The following CDK12 variants were observed in gnomAD, a reference collection of about 807,000 sequenced individuals.
CDK12 encodes the protein cyclin-dependent kinase 12.
In CDK12, 17 loss-of-function variants were observed where a neutral mutation model predicts 133.8. The ratio of observed to expected loss-of-function variants is 0.13; its 90% confidence interval spans 0.09 to 0.19. The LOEUF (loss-of-function observed/expected upper bound fraction) is 0.19, where lower values mean the gene tolerates loss of function less well. Among genes scored for constraint, CDK12 ranks in the 10% least tolerant of loss-of-function variants. CDK12 has a pLI of 1.00. For synonymous variants in CDK12, 694 were observed against 683.6 expected (o/e 1.02, Z -0.24); for missense variants, 1,508 against 1,818.7 (o/e 0.83, Z 3.11).
intron 6 of CDK12, among the ~76,000 whole-genome samples, chr17:39,502,432 C>T (rs1001429339): frequency 2.6e-5 from 4 of 152,150 alleles, no homozygotes; most frequent in Admixed American, 6.6e-5. Flanking sequence ...GGATTACAGG[C>T]GTGAGCCACC....
chr17:39,556,309 C>T (rs2056161527), exon 3 of CDK12: 1 of 152,380 alleles, frequency 6.6e-6, no homozygotes, highest in Admixed American at 6.5e-5. Context: ...GATCTGAACC[C>T]AAGATTCCAG....
intron 2 of CDK12, among the ~76,000 whole-genome samples, chr17:39,477,204 A>T (rs1360727647): frequency 7.0e-6 from 1 of 142,066 alleles, no homozygotes; most frequent in Non-Finnish European, 1.5e-5. Flanking sequence ...TAGTGTTTTT[A>T]TTTTTGTTTT....
chr17:39,492,582 A>AT (rs981485927), intron 3 of CDK12, among the ~76,000 whole-genome samples, 169 bp from the exon 4 acceptor site: 6 of 130,474 alleles, frequency 4.6e-5, no homozygotes, highest in South Asian at 4.9e-4. Context: ...TAATTTTTGT[A>AT]TTTTTTTTAG....
upstream of CDK12, among the ~76,000 whole-genome samples, chr17:39,548,024 C>T (rs2055795574): frequency 6.6e-6 from 1 of 152,186 alleles, no homozygotes; most frequent in Non-Finnish European, 1.5e-5. Flanking sequence ...TTCATGTCTT[C>T]TGTCTACCAG....
intron 6 of CDK12, among the ~76,000 whole-genome samples, chr17:39,506,212 ATTTTT>A (rs1177367409): frequency 8.3e-6 from 1 of 119,774 alleles, no homozygotes; most frequent in Non-Finnish European, 1.7e-5. Flanking sequence ...TGATTATATG[ATTTTT>A]TTTTTTTTTT....
intron 3 of CDK12, among the ~76,000 whole-genome samples, chr17:39,491,899 C>T (rs1470709225): frequency 6.7e-6 from 1 of 149,588 alleles, no homozygotes; most frequent in Non-Finnish European, 1.5e-5. Context: ...GAGGCCAAGG[C>T]GGGTGGATCA....
chr17:39,524,594 C>A, intron 11 of CDK12, 80 bp from the exon 12 acceptor site: 6 of 1,232,156 alleles, frequency 4.9e-6, no homozygotes, highest in Non-Finnish European at 5.9e-6. Context: ...TCTTTGCCTT[C>A]CCATTTTAAT....
At chr17:39,505,783 G>T (rs2053079101) in intron 6 of CDK12, among the ~76,000 whole-genome samples, 1 of 152,146 alleles carries the variant, frequency 6.6e-6, no homozygotes, top group Non-Finnish European at 1.5e-5. Flanking sequence ...TGTTTATATG[G>T]AGTACCAGTG....
chr17:39,530,941 G>A lies in CDK12; in HGVS notation c.4098G>A (p.Leu1366=), dbSNP rs563392329. The A allele has an allele frequency of 5.0e-6, 8 of 1,614,204 alleles. No homozygotes were observed. The highest frequency in any genetic ancestry group is 5.1e-6 in the Non-Finnish European group (6 of 1,180,034). The change falls in exon 14 of 14, where the codon TTG becomes TTA. Residue 1366 remains leucine (L), a synonymous_variant. Coordinates refer to ENST00000447079, the MANE Select transcript of CDK12 (RefSeq NM_016507.4). The part of the protein sequence containing the change: ...RNSGPALTES[L]VQTLVKNRTF... Reference sequence around the variant, plus strand: ...CTGGTCCAGCCTTGACAGAATCCTTGGTCCAGACCCTGGTGAAGAACAGGA... The same window carrying A: ...CTGGTCCAGCCTTGACAGAATCCTTAGTCCAGACCCTGGTGAAGAACAGGA...
At chr17:39,521,719 C>G (rs1324422600) in intron 11 of CDK12, among the ~76,000 whole-genome samples, 1 of 152,030 alleles carries the variant, frequency 6.6e-6, no homozygotes, top group Non-Finnish European at 1.5e-5. Flanking sequence ...GCCACCACGC[C>G]CGACTAATTT....
intron 7 of CDK12, among the ~76,000 whole-genome samples, chr17:39,510,576 A>G (rs1567757711): frequency 6.8e-6 from 1 of 146,282 alleles, no homozygotes; most frequent in Non-Finnish European, 1.5e-5. Flanking sequence ...AATAAATTAG[A>G]ATGGAAGTTA....
intron 13 of CDK12, among the ~76,000 whole-genome samples, chr17:39,529,312 A>C (rs966555647): frequency 1.3e-5 from 2 of 152,196 alleles, no homozygotes; most frequent in Non-Finnish European, 2.9e-5. Flanking sequence ...ATACAAACTT[A>C]ATTACTGATT....
Position 39,533,686 on chromosome 17 carries a change from T to A in CDK12, c.*2370T>A, listed in dbSNP as rs1160707617. ...CCTACTAGGGAAGGGGGTGAGTGTA[T>A]GTGTGAGTGTATGTGTATGTATGAT... On this transcript the variant is annotated 3_prime_UTR_variant, in exon 14 of 14. Transcript: ENST00000447079. 4.3e-6 allele frequency: 1 copy of A among 232,914 alleles called. No individual in the cohort carries two copies. The highest frequency in any genetic ancestry group is 8.5e-6 in the Non-Finnish European group (1 of 117,844). 14.4% of individuals were successfully genotyped at this position (232,914 alleles called of 1,614,324 possible). A position where few individuals can be genotyped will look rare whatever the true frequency, so the allele number is the denominator to read the frequency against.
intron 7 of CDK12, among the ~76,000 whole-genome samples, chr17:39,510,047 C>T (rs1051272376): frequency 4.0e-5 from 6 of 151,664 alleles, no homozygotes; most frequent in African/African-American, 1.2e-4. Flanking sequence ...AGCTGTCTAC[C>T]TGCCTCAGCC....
intron 8 of CDK12, among the ~76,000 whole-genome samples, chr17:39,513,794 T>TA (rs1274160552): frequency 2.6e-5 from 4 of 152,222 alleles, no homozygotes; most frequent in African/African-American, 9.6e-5. Context: ...GATGTGAACT[T>TA]ACTACTTTGG....
intron 2 of CDK12, among the ~76,000 whole-genome samples, chr17:39,481,607 G>A (rs2145552025): frequency 7.1e-6 from 1 of 140,442 alleles, no homozygotes; most frequent in South Asian, 2.2e-4. Flanking sequence ...ACTGCGCCCA[G>A]CACTTATGTG....
chr17:39,517,376 A>G, intron 9 of CDK12, 64 bp from the exon 10 acceptor site: 1 of 926,678 alleles, frequency 1.1e-6, no homozygotes, highest in Admixed American at 2.0e-5. Flanking sequence ...CTGCTTCTGA[A>G]ACCTCCGGAA....
intron 1 of CDK12, among the ~76,000 whole-genome samples, chr17:39,542,485 C>G (rs2143828864): frequency 6.6e-6 from 1 of 151,576 alleles, no homozygotes; most frequent in African/African-American, 2.4e-5. Context: ...GCCACCGCGC[C>G]CAGCCTCTTA....
chr17:39,510,340 C>G (rs1419893254), intron 7 of CDK12, among the ~76,000 whole-genome samples: 1 of 151,822 alleles, frequency 6.6e-6, no homozygotes, highest in Non-Finnish European at 1.5e-5. Context: ...AGGCTGGTCT[C>G]AAACTCCTGA....
Sources: gnomAD v4.1 joint callset for allele counts (sites outside exome capture counted in the v4.1 genomes callset) on GRCh38, gnomAD v4.1.1 for gene constraint, MANE v1.5 for transcripts, NCBI Gene and HGNC (gene_info 2026-07-23, HGNC 2026-07-21) for gene names.